Variants in MAP3K20 observed in about 807,000 individuals in gnomAD.
MAP3K20 encodes the protein mitogen-activated protein kinase kinase kinase 20.
In MAP3K20, 40 loss-of-function variants were observed where a neutral mutation model predicts 85.7. The ratio of observed to expected loss-of-function variants is 0.47; its 90% CI spans 0.36 to 0.61. MAP3K20 has a LOEUF of 0.61. Ranked by LOEUF, MAP3K20 falls within the 20% of genes least tolerant of loss-of-function variation. MAP3K20 has a pLI of 0.00. For missense variants in MAP3K20, 817 were observed against 961.7 expected (o/e 0.85, Z 1.99); for synonymous variants, 325 against 327.7 (o/e 0.99, Z 0.09).
At chr2:173,125,725 C>T (rs935849737) in intron 2 of MAP3K20, among the ~76,000 whole-genome samples, 11 of 151,868 alleles carry the variant, frequency 7.2e-5, no homozygotes, top group Admixed American at 2.6e-4. Context: ...TGCAGTGGCG[C>T]GATCTCAGCT....
chr2:173,264,181 C>G (rs1048784700), intron 19 of MAP3K20, among the ~76,000 whole-genome samples: 3 of 152,210 alleles, frequency 2.0e-5, no homozygotes, highest in Non-Finnish European at 2.9e-5. Flanking sequence ...GAGCTGCAGT[C>G]TGCATTTTAA....
At chr2:173,164,242 A>T (rs961502511) in intron 2 of MAP3K20, among the ~76,000 whole-genome samples, 1 of 151,996 alleles carries the variant, frequency 6.6e-6, no homozygotes, top group Admixed American at 6.6e-5. Flanking sequence ...TTTTAATAAT[A>T]GCCATTCTAA....
intron 2 of MAP3K20, among the ~76,000 whole-genome samples, chr2:173,119,294 A>T (rs527817303): frequency 6.6e-6 from 1 of 152,114 alleles, no homozygotes; most frequent in African/African-American, 2.4e-5. Context: ...CGAGTGTGTC[A>T]TGGGGCAGAG....
chr2:173,160,718 G>A (rs896400910), intron 2 of MAP3K20, among the ~76,000 whole-genome samples: 5 of 152,118 alleles, frequency 3.3e-5, no homozygotes, highest in African/African-American at 9.7e-5. Flanking sequence ...TTCTCCTTGC[G>A]TTCACATTCT....
intron 2 of MAP3K20, among the ~76,000 whole-genome samples, chr2:173,099,914 T>A (rs932592027): frequency 6.6e-6 from 1 of 152,224 alleles, no homozygotes; most frequent in African/African-American, 2.4e-5. Context: ...GTGAAATGTA[T>A]GTAGAAGAGT....
chr2:173,104,681 CCTTT>C (rs1201224303), intron 2 of MAP3K20, among the ~76,000 whole-genome samples: 1 of 152,124 alleles, frequency 6.6e-6, no homozygotes, highest in African/African-American at 2.4e-5. Flanking sequence ...ATCTTTGCAA[CCTTT>C]CTGTGAACCT....
rs144666084 is a variant in MAP3K20, at chr2:173,243,346, G to T, written c.1359+3850G>T. 4.5e-4 allele frequency among the ~76,000 whole-genome samples: 68 copies of T among 152,308 alleles called. No homozygotes were observed. The East Asian group carries it at 0.01, about 23-fold the overall frequency. On this transcript the variant is annotated intron_variant, in intron 16 of 19. Coordinates refer to ENST00000375213, the MANE Select transcript of MAP3K20 (RefSeq NM_016653.3). ...AAGCCACTAAGAATGACTAGGTAAG[G>T]AGAGGACATTGAAGGCAGACGAAAC... is the stretch of plus-strand genomic sequence containing the variant.
intron 2 of MAP3K20, among the ~76,000 whole-genome samples, chr2:173,129,074 C>T (rs1426358098): frequency 1.3e-5 from 2 of 151,848 alleles, no homozygotes. Flanking sequence ...CAGGTGCCCG[C>T]CACCATGGCC....
At chr2:173,118,129 T>G (rs1688176039) in intron 2 of MAP3K20, among the ~76,000 whole-genome samples, 1 of 152,242 alleles carries the variant, frequency 6.6e-6, no homozygotes, top group Non-Finnish European at 1.5e-5. Flanking sequence ...AGCCATTTGG[T>G]AGACCTTAAG....
intron 2 of MAP3K20, among the ~76,000 whole-genome samples, chr2:173,112,669 C>T (rs80053404): frequency 0.02 from 3,062 of 152,146 alleles, 54 homozygotes; most frequent in Admixed American, 0.041. Context: ...TCTATTGAAA[C>T]GACCATGTCA....
chr2:173,236,730 A>C (rs1043673649), intron 14 of MAP3K20, among the ~76,000 whole-genome samples: 2 of 152,166 alleles, frequency 1.3e-5, no homozygotes, highest in Admixed American at 6.5e-5. Context: ...GGGAAAGATA[A>C]AGGGAAAGGG....
At chr2:173,132,364 G>A (rs1279754252) in intron 2 of MAP3K20, among the ~76,000 whole-genome samples, 4 of 152,020 alleles carry the variant, frequency 2.6e-5, no homozygotes, top group East Asian at 1.9e-4. Context: ...TTCTCCTCCG[G>A]CTGACTCCCC....
At chr2:173,264,400 C>T (rs1026808323) in intron 19 of MAP3K20, among the ~76,000 whole-genome samples, 6 of 152,268 alleles carry the variant, frequency 3.9e-5, no homozygotes, top group East Asian at 1.9e-4. Flanking sequence ...CCTTTGCCCT[C>T]GGCTCCTCTC....
chr2:173,220,236 T>C (rs1406388319), intron 11 of MAP3K20, among the ~76,000 whole-genome samples: 1 of 152,216 alleles, frequency 6.6e-6, no homozygotes, highest in Non-Finnish European at 1.5e-5. Context: ...ACATTTTTCA[T>C]GTGCTAACAG....
chr2:173,187,241 G>A (rs945854198), intron 4 of MAP3K20, among the ~76,000 whole-genome samples: 3 of 152,170 alleles, frequency 2.0e-5, no homozygotes, highest in African/African-American at 7.2e-5. Context: ...TACCTTAGTC[G>A]TGGAGCCCTC....
chr2:173,162,385 C>G (rs74265841), intron 2 of MAP3K20, among the ~76,000 whole-genome samples: 3,274 of 152,048 alleles, frequency 0.022, 61 homozygotes, highest in South Asian at 0.046. Context: ...ATGATAGACT[C>G]CTACAATTGT....
intron 2 of MAP3K20, among the ~76,000 whole-genome samples, chr2:173,129,691 C>T (rs1164214390): frequency 1.3e-5 from 2 of 152,180 alleles, no homozygotes; most frequent in South Asian, 2.1e-4. Flanking sequence ...TAAGTGCTTT[C>T]ATTAAGCGAT....
chr2:173,202,436 ACTT>A (rs1328101463), intron 8 of MAP3K20, among the ~76,000 whole-genome samples: 1 of 152,078 alleles, frequency 6.6e-6, no homozygotes, highest in African/African-American at 2.4e-5. Flanking sequence ...TATTTGCAAA[ACTT>A]CTTTGGCAAA....
At chr2:173,254,708 G>C (rs1405025439) in intron 16 of MAP3K20, among the ~76,000 whole-genome samples, 1 of 152,190 alleles carries the variant, frequency 6.6e-6, no homozygotes, top group Non-Finnish European at 1.5e-5. Flanking sequence ...TTGAATCCCA[G>C]AGTTGTGGAC....
Sources: allele counts gnomAD v4.1 joint callset (sites outside exome capture counted in the v4.1 genomes callset), GRCh38; gene constraint gnomAD v4.1.1; transcripts MANE v1.5; gene names NCBI Gene and HGNC (gene_info 2026-07-23, HGNC 2026-07-21).